The following TMEM132C variants were observed in gnomAD, a reference collection of about 807,000 sequenced individuals.
The protein encoded by TMEM132C is transmembrane protein 132C.
Under a neutral mutation model 61.4 loss-of-function variants are expected in TMEM132C, and 29 were observed. The ratio of observed to expected loss-of-function variants is 0.47; its 90% CI spans 0.35 to 0.64. The LOEUF is 0.64. TMEM132C is among the 30% of genes least tolerant of loss of function. The probability of loss-of-function intolerance (pLI) is 0.00; values close to 1 mark genes in which losing one functional copy is unlikely to be tolerated. For missense variants in TMEM132C, 1,408 were observed against 1,476.9 expected, an observed-to-expected ratio of 0.95 and a Z score of 0.76; for synonymous variants, 656 against 633.1, an observed-to-expected ratio of 1.04 and a Z score of -0.54.
chr12:128,512,090 T>C (rs1021786672), intron 2 of TMEM132C, among the ~76,000 whole-genome samples: 1 of 152,072 alleles, frequency 6.6e-6, no homozygotes, highest in African/African-American at 2.4e-5. Context: ...GCCAGTTTTT[T>C]TTTTCTTTTT....
intron 3 of TMEM132C, among the ~76,000 whole-genome samples, chr12:128,589,524 C>G (rs1043661550): frequency 6.6e-6 from 1 of 151,600 alleles, no homozygotes; most frequent in African/African-American, 2.4e-5. Flanking sequence ...GCCCCCCACC[C>G]CCTTATAAGT....
chr12:128,378,494 C>A (rs570030709), intron 1 of TMEM132C, among the ~76,000 whole-genome samples: 1 of 152,296 alleles, frequency 6.6e-6, no homozygotes, highest in Non-Finnish European at 1.5e-5. Context: ...TCAAAATTTC[C>A]TAGAGCAAAT....
chr12:128,549,985 C>T (rs1446760409), intron 3 of TMEM132C, among the ~76,000 whole-genome samples: 8 of 152,174 alleles, frequency 5.3e-5, no homozygotes, highest in Admixed American at 4.6e-4. Flanking sequence ...AAAGGAAATA[C>T]ACCCAATGGA....
chr12:128,661,148 G>T (rs996690883), intron 4 of TMEM132C, among the ~76,000 whole-genome samples: 2 of 152,188 alleles, frequency 1.3e-5, no homozygotes, highest in African/African-American at 4.8e-5. Context: ...GGGCAGCCTG[G>T]ATCTTTGGGG....
chr12:128,599,578 A>G (rs1593114942), intron 3 of TMEM132C, among the ~76,000 whole-genome samples: 1 of 152,362 alleles, frequency 6.6e-6, no homozygotes, highest in Middle Eastern at 3.4e-3. Flanking sequence ...GCACATAGGG[A>G]TACCCCAGGA....
intron 2 of TMEM132C, among the ~76,000 whole-genome samples, chr12:128,419,326 T>G (rs1032199563): frequency 6.6e-6 from 1 of 152,168 alleles, no homozygotes; most frequent in African/African-American, 2.4e-5. Context: ...GTCCCTGGAA[T>G]TCCATCCTGC....
At chr12:128,551,054 A>G (rs1036550317) in intron 3 of TMEM132C, among the ~76,000 whole-genome samples, 5 of 152,270 alleles carry the variant, frequency 3.3e-5, no homozygotes, top group African/African-American at 4.8e-5. Context: ...TCTTCCTGCA[A>G]TGTGAACTAT....
chr12:128,660,099 A>G (rs1422501980), intron 4 of TMEM132C, among the ~76,000 whole-genome samples: 3 of 152,176 alleles, frequency 2.0e-5, no homozygotes, highest in African/African-American at 7.2e-5. Context: ...GCGCTTAAAG[A>G]GAATCTGGCA....
At chr12:128,612,038 T>G (rs1387774889) in intron 3 of TMEM132C, among the ~76,000 whole-genome samples, 1 of 152,068 alleles carries the variant, frequency 6.6e-6, no homozygotes, top group Non-Finnish European at 1.5e-5. Context: ...GGAGAAGGGG[T>G]AGGAAAGAAT....
At position 128,487,603 on chromosome 12, in the gene TMEM132C, G is replaced by GTATATA. The variant is rs35552118; in HGVS notation, c.975-56332_975-56327dup. 2.4e-3 allele frequency among the ~76,000 whole-genome samples: 324 copies of GTATATA among 136,628 alleles called. 3 individuals are homozygous for GTATATA. Among genetic ancestry groups the GTATATA allele is most frequent in the East Asian group, 0.015 (66 of 4,452 alleles). The allele number at this position is 136,628 out of a possible 152,430, so 89.6% of individuals were successfully genotyped here. Reference sequence around the variant, plus strand: ...GGTGTGTATGAGTGTGTGTGTGTGGGTATATATATATATATATATATATAT... The same window carrying GTATATA: ...GGTGTGTATGAGTGTGTGTGTGTGGGTATATATATATATATATATATATATATATAT... On this transcript the variant is annotated intron_variant, in intron 2 of 8. Coordinates refer to ENST00000435159, the MANE Select transcript of TMEM132C (RefSeq NM_001136103.3).
chr12:128,375,269 G>A (rs1267164097), intron 1 of TMEM132C, among the ~76,000 whole-genome samples: 1 of 152,138 alleles, frequency 6.6e-6, no homozygotes, highest in East Asian at 1.9e-4. Context: ...AAGGCCACGG[G>A]AGGGCTCCTC....
chr12:128,394,128 CAAA>C (rs1249508325), intron 1 of TMEM132C, among the ~76,000 whole-genome samples: 10 of 152,108 alleles, frequency 6.6e-5, no homozygotes, highest in Non-Finnish European at 1.3e-4. Flanking sequence ...TGGCGGCAGA[CAAA>C]AGAAGAGAGC....
intron 2 of TMEM132C, among the ~76,000 whole-genome samples, chr12:128,448,706 A>G (rs1789238491): frequency 6.6e-6 from 1 of 152,176 alleles, no homozygotes; most frequent in Non-Finnish European, 1.5e-5. Flanking sequence ...GGACTTTTGG[A>G]TACAGGGAAG....
chr12:128,576,355 A>G (rs548138179), intron 3 of TMEM132C, among the ~76,000 whole-genome samples: 12 of 152,290 alleles, frequency 7.9e-5, no homozygotes, highest in African/African-American at 2.4e-4. Flanking sequence ...TAAAATTGAA[A>G]CAGAAAAGAG....
At chr12:128,576,265 G>A (rs1372093270) in intron 3 of TMEM132C, among the ~76,000 whole-genome samples, 1 of 151,020 alleles carries the variant, frequency 6.6e-6, no homozygotes, top group East Asian at 2.0e-4. Flanking sequence ...ATTAGAAGGG[G>A]AGGGGAGGGG....
intron 1 of TMEM132C, among the ~76,000 whole-genome samples, chr12:128,358,712 G>A (rs1873600124): frequency 2.0e-5 from 3 of 151,964 alleles, no homozygotes; most frequent in African/African-American, 7.3e-5. Context: ...AACTAATTGA[G>A]GCACTTATAG....
chr12:128,695,866 G>A lies in TMEM132C; in HGVS notation c.1692G>A (p.Glu564=). The A allele has an allele frequency of 6.5e-7, 1 of 1,547,670 alleles. No homozygotes were observed. Among genetic ancestry groups the A allele is most frequent in the Non-Finnish European group, 8.7e-7 (1 of 1,144,358 alleles). ...AGAGCGAGGATGAGGACGAGGAGGA[G>A]CGGCGGGGCCGGGGCTGCGCACTGC... The part of the protein sequence containing the change: ...TRESEDEDEE[E]RRGRGCALQY... Residue 564 remains glutamate, a synonymous_variant, in exon 7 of 9, where the codon GAG becomes GAA. Coordinates refer to ENST00000435159, the MANE Select transcript of TMEM132C (RefSeq NM_001136103.3).
In TMEM132C at chr12:128,386,372, G is replaced by C. The variant is rs544927462; in HGVS notation, c.86-28360G>C. 2.2e-4 allele frequency among the ~76,000 whole-genome samples: 33 copies of C among 152,296 alleles called. No homozygotes were observed. The South Asian group carries it at 6.2e-3, about 29-fold the overall frequency. Reference sequence around the variant, plus strand: ...CTTTGAACCACAGGGGAGACACCCTGATTTTCCCCCTCCAGGGGCACAGGC... The same window carrying C: ...CTTTGAACCACAGGGGAGACACCCTCATTTTCCCCCTCCAGGGGCACAGGC... On this transcript the variant is annotated intron_variant, in intron 1 of 8. Transcript: ENST00000435159.
chr12:128,545,674 C>T (rs140370036), intron 3 of TMEM132C, among the ~76,000 whole-genome samples: 3 of 152,288 alleles, frequency 2.0e-5, no homozygotes, highest in African/African-American at 7.2e-5. Flanking sequence ...GATGGCATCT[C>T]ATTGTGGTTT....
Sources: allele counts gnomAD v4.1 joint callset (sites outside exome capture counted in the v4.1 genomes callset), GRCh38; gene constraint gnomAD v4.1.1; transcripts MANE v1.5; gene names NCBI Gene and HGNC (gene_info 2026-07-23, HGNC 2026-07-21).